STK32C: variants seen among roughly 807,000 people sequenced by gnomAD.
The protein encoded by STK32C is serine/threonine kinase 32C, also known as serine/threonine-protein kinase 32C.
STK32C carries 31 observed loss-of-function variants against 56.5 expected under a neutral mutation model. That is an observed-to-expected ratio of 0.55 (90% CI 0.41 to 0.74). The LOEUF is 0.74. STK32C is among the 30% of genes least tolerant of loss of function. STK32C has a pLI of 0.00. For missense variants in STK32C, 544 were observed against 676.9 expected (o/e 0.80, Z 2.18); for synonymous variants, 309 against 289.4 (o/e 1.07, Z -0.69).
In STK32C at chr10:132,224,563, C is replaced by T. The variant is rs775427698; in HGVS notation, c.877-40G>A. On this transcript the variant is annotated intron_variant, in intron 7 of 11. Transcript: ENST00000298630. ...GCAGTGCTGGGCAGGTCCTCCTGGC[C>T]CCCAGGACACCCAGAACAATGCCAG... The T allele has an allele frequency of 4.8e-6, 7 of 1,449,126 alleles. 1 individual carries two copies. Among genetic ancestry groups the T allele is most frequent in the South Asian group, 4.8e-5 (4 of 83,402 alleles). The allele number at this position is 1,449,126 out of a possible 1,614,324, so 89.8% of individuals were successfully genotyped here. A position where few individuals can be genotyped will look rare whatever the true frequency, so the allele number is the denominator to read the frequency against.
At chr10:132,245,623 G>A (rs1022682965) in intron 2 of STK32C, among the ~76,000 whole-genome samples, 1 of 152,230 alleles carries the variant, frequency 6.6e-6, no homozygotes, top group Non-Finnish European at 1.5e-5. Flanking sequence ...CTGGCCTCTA[G>A]GCTCCAGTTC....
chr10:132,266,988 A>T (rs145485018), intron 1 of STK32C, among the ~76,000 whole-genome samples: 2,845 of 152,170 alleles, frequency 0.019, 86 homozygotes, highest in African/African-American at 0.063. Context: ...AACCACCGTG[A>T]GTGTTGGGAG....
chr10:132,299,730 T>G (rs769191464), intron 1 of STK32C, among the ~76,000 whole-genome samples: 2 of 152,118 alleles, frequency 1.3e-5, no homozygotes, highest in South Asian at 4.1e-4. Flanking sequence ...AAGTCACTAG[T>G]GTAGGGTAGT....
At position 132,264,107 on chromosome 10, in the gene STK32C, A is replaced by C. The variant is rs1393835332; in HGVS notation, c.263-18152T>G. On this transcript the variant is annotated intron_variant, in intron 1 of 11. Transcript: ENST00000298630. ...GGCGGTGGCGACGGATGTAATCAGT[A>C]GGCATGGAGTCTCCCTTAGGGCTGG... Among the ~76,000 whole-genome samples, 3 of 152,118 alleles carry C rather than the reference A, an allele frequency of 2.0e-5. No homozygotes were observed. The East Asian group carries it at 5.8e-4, about 29-fold the overall frequency.
intron 1 of STK32C, among the ~76,000 whole-genome samples, chr10:132,296,325 C>T (rs982581415): frequency 4.0e-5 from 6 of 151,750 alleles, no homozygotes; most frequent in South Asian, 2.1e-4. Context: ...TAAGTGACAC[C>T]GGGGAACAAC....
chr10:132,225,513 C>T lies in STK32C; in HGVS notation c.772+14G>A. ...GGAAGCCAGCTCCCATCTGGAACCC[C>T]AGCTCGGGCTCACCCATGTACGGCT... On this transcript the variant is annotated intron_variant, in intron 6 of 11. Coordinates refer to ENST00000298630, the MANE Select transcript of STK32C (RefSeq NM_173575.4). 3 of 1,613,758 alleles carry T rather than the reference C, an allele frequency of 1.9e-6. No homozygotes were observed. Among genetic ancestry groups the T allele is most frequent in the Non-Finnish European group, 2.5e-6 (3 of 1,180,016 alleles).
intron 2 of STK32C, among the ~76,000 whole-genome samples, chr10:132,235,983 G>C (rs1392082430): frequency 2.6e-5 from 4 of 152,240 alleles, no homozygotes; most frequent in Non-Finnish European, 5.9e-5. Flanking sequence ...CACAGCGGGA[G>C]GTGGCGAAGG....
At chr10:132,267,830 A>T (rs4525147) in intron 1 of STK32C, among the ~76,000 whole-genome samples, 4 of 73,366 alleles carry the variant, frequency 5.5e-5, no homozygotes, top group Admixed American at 2.5e-4. Flanking sequence ...TGTGTGTGTC[A>T]GTGCGTGTGC....
chr10:132,215,484 C>G (rs1165140298), intron 10 of STK32C, among the ~76,000 whole-genome samples: 1 of 144,526 alleles, frequency 6.9e-6, no homozygotes, highest in African/African-American at 2.6e-5. Context: ...CTCATGAGAT[C>G]TGATGGTTTT....
In STK32C at chr10:132,255,463, G is replaced by A. The variant is rs570885156; in HGVS notation, c.263-9508C>T. 2.0e-5 allele frequency among the ~76,000 whole-genome samples: 3 copies of A among 152,248 alleles called. No individual in the cohort carries two copies. The highest frequency in any genetic ancestry group is 1.5e-5 in the Non-Finnish European group (1 of 68,018). ...GCCTGCGGGAACAAAGACCCACCAC[G>A]CTGACGGGCAGGGTTGACGCAGATG... On this transcript the variant is annotated intron_variant, in intron 1 of 11. Transcript: ENST00000298630. This position sits in a 1 kb window ranked among gnomAD's most constrained non-coding sequence, Gnocchi z 4.6.
intron 1 of STK32C, among the ~76,000 whole-genome samples, chr10:132,306,115 C>T (rs1321253628): frequency 6.6e-6 from 1 of 152,202 alleles, no homozygotes; most frequent in Non-Finnish European, 1.5e-5. Context: ...GGGAAGTCTA[C>T]CCTACAAAGC....
At chr10:132,265,172 G>T in intron 1 of STK32C, among the ~76,000 whole-genome samples, 1 of 134,142 alleles carries the variant, frequency 7.5e-6, no homozygotes, top group Non-Finnish European at 1.7e-5. Context: ...AGGGCGGCGA[G>T]GTGGCTCTGG....
chr10:132,226,929 C>T lies in STK32C; in HGVS notation c.510G>A (p.Val170=), dbSNP rs929744636. ...FQDEEDMFMV[V]DLLLGGDLRY... ...GCAGGTCCCCGCCCAGTAGCAGGTC[C>T]ACGACCATGAACATGTCCTCCTCGT... The change falls in exon 4 of 12, where the codon GTG becomes GTA. Residue 170 remains valine, a synonymous_variant. Transcript: ENST00000298630. 3.7e-6 allele frequency: 6 copies of T among 1,613,330 alleles called. 1 individual carries two copies. The highest frequency in any genetic ancestry group is 5.1e-6 in the Non-Finnish European group (6 of 1,180,038).
intron 1 of STK32C, among the ~76,000 whole-genome samples, chr10:132,248,719 G>A (rs2063777789): frequency 1.3e-5 from 2 of 152,210 alleles, no homozygotes; most frequent in African/African-American, 2.4e-5. Context: ...CTTGGCACAT[G>A]GGTACCTGGA....
intron 1 of STK32C, among the ~76,000 whole-genome samples, chr10:132,283,422 C>T (rs1452230933): frequency 8.5e-5 from 13 of 152,360 alleles, no homozygotes; most frequent in African/African-American, 3.1e-4. Context: ...CCCCCCTCAC[C>T]GTGCGACCAG....
rs568428147 is a variant in STK32C, at chr10:132,237,522, G to A, written c.318+8378C>T. Among the ~76,000 whole-genome samples the A allele has an allele frequency of 1.7e-4, 26 of 152,382 alleles. 1 individual carries two copies. Among genetic ancestry groups the A allele is most frequent in the Admixed American group, 9.1e-4 (14 of 15,310 alleles). On this transcript the variant is annotated intron_variant, in intron 2 of 11. Transcript: ENST00000298630. ...CGCCTTTTGGCCCATTTAGGAGCAC[G>A]TGGTAACCACTCCTTCCTAAGCAGA...
chr10:132,307,941 G>T lies in STK32C; in HGVS notation c.-108C>A, dbSNP rs1160343811. The T allele has an allele frequency of 9.4e-7, 1 of 1,066,766 alleles. No individual in the cohort carries two copies. Among genetic ancestry groups the T allele is most frequent in the Non-Finnish European group, 1.1e-6 (1 of 882,418 alleles). The allele number at this position is 1,066,766 out of a possible 1,614,324, so 66.1% of individuals were successfully genotyped here. ...GCTCGGGGCCGGCAGCGCCCGCCGTGCGCTCTTCTGGGCGGTGGAACCCGC... is the reference window on the plus strand; with the variant it reads ...GCTCGGGGCCGGCAGCGCCCGCCGTTCGCTCTTCTGGGCGGTGGAACCCGC... On this transcript the variant is annotated 5_prime_UTR_variant, in exon 1 of 12. Coordinates refer to ENST00000298630, the MANE Select transcript of STK32C (RefSeq NM_173575.4). This position sits in a 1 kb window ranked among gnomAD's most constrained non-coding sequence, Gnocchi z 4.4.
At chr10:132,226,495 G>A (rs1245595557) in intron 4 of STK32C, among the ~76,000 whole-genome samples, 5 of 152,236 alleles carry the variant, frequency 3.3e-5, no homozygotes, top group Admixed American at 3.3e-4. Context: ...TGGACCAGGT[G>A]AAGGCCACCT....
At chr10:132,267,702 G>A (rs1221577398) in intron 1 of STK32C, among the ~76,000 whole-genome samples, 2 of 124,948 alleles carry the variant, frequency 1.6e-5, no homozygotes, top group African/African-American at 3.3e-5. Flanking sequence ...TGCAGGTTCA[G>A]CTCTATGTCT....
Sources: gnomAD v4.1 joint callset for allele counts (sites outside exome capture counted in the v4.1 genomes callset) on GRCh38, gnomAD v4.1.1 for gene constraint, Gnocchi (gnomAD v3.1) non-coding constraint, MANE v1.5 for transcripts, NCBI Gene and HGNC (gene_info 2026-07-23, HGNC 2026-07-21) for gene names.